EXOC6B: variants seen among roughly 807,000 people sequenced by gnomAD.
EXOC6B encodes SEC15 homolog B.
In EXOC6B, 54 loss-of-function variants were observed where a neutral mutation model predicts 113.5. That is an observed-to-expected ratio of 0.48 (90% confidence interval 0.38 to 0.60). The LOEUF is 0.60. Ranked by LOEUF, EXOC6B falls within the 20% of genes least tolerant of loss-of-function variation. EXOC6B has a pLI of 0.00. For missense variants in EXOC6B, 797 were observed against 977.5 expected, an observed-to-expected ratio of 0.82 and a Z score of 2.46; for synonymous variants, 357 against 339.0, an observed-to-expected ratio of 1.05 and a Z score of -0.58.
intron 6 of EXOC6B, among the ~76,000 whole-genome samples, chr2:72,644,765 C>T (rs1188755477): frequency 1.3e-5 from 2 of 152,144 alleles, no homozygotes. Flanking sequence ...ACCTGGCCTG[C>T]CTGATAAGAG....
chr2:72,513,018 T>C (rs1261681011), intron 11 of EXOC6B, 114 bp downstream of exon 11: 3 of 1,241,200 alleles, frequency 2.4e-6, no homozygotes, highest in Non-Finnish European at 2.2e-6. Context: ...AGGACATCTA[T>C]AGCTCCAAGT....
chr2:72,417,675 A>G (rs1010626848), intron 18 of EXOC6B, among the ~76,000 whole-genome samples: 1 of 152,172 alleles, frequency 6.6e-6, no homozygotes, highest in East Asian at 1.9e-4. Flanking sequence ...AGACAAATAG[A>G]TTTTGTAACA....
chr2:72,369,982 G>T (rs935683217), intron 19 of EXOC6B, among the ~76,000 whole-genome samples: 1 of 152,060 alleles, frequency 6.6e-6, no homozygotes, highest in Non-Finnish European at 1.5e-5. Context: ...CACCAAAAGC[G>T]ATGGCAACAA....
intron 18 of EXOC6B, among the ~76,000 whole-genome samples, chr2:72,399,131 C>G (rs915875733): frequency 1.3e-5 from 2 of 152,142 alleles, no homozygotes; most frequent in African/African-American, 2.4e-5. Context: ...GTGTTTTATT[C>G]CAAAGATGCA....
intron 5 of EXOC6B, among the ~76,000 whole-genome samples, chr2:72,726,985 G>A (rs569836168): frequency 2.5e-4 from 38 of 152,204 alleles, no homozygotes; most frequent in Admixed American, 9.8e-4. Context: ...GAAAGTTTTC[G>A]GAGGATGTGT....
chr2:72,799,901 C>CA (rs1387470872), intron 1 of EXOC6B, among the ~76,000 whole-genome samples: 4 of 151,734 alleles, frequency 2.6e-5, no homozygotes, highest in Admixed American at 6.6e-5. Context: ...CCCATCTCTA[C>CA]AAAAAATACA....
chr2:72,464,928 A>C (rs1261127481), intron 18 of EXOC6B: 1 of 555,670 alleles, frequency 1.8e-6, no homozygotes, highest in Admixed American at 3.5e-5. Flanking sequence ...TCATAGGAAG[A>C]TAAGCAGACA....
chr2:72,737,363 AAAG>A (rs1210611261), intron 2 of EXOC6B, among the ~76,000 whole-genome samples: 1 of 152,204 alleles, frequency 6.6e-6, no homozygotes, highest in African/African-American at 2.4e-5. Context: ...TAAAAAAAAA[AAAG>A]TTCTTTAATA....
At chr2:72,365,218 T>A (rs1022110045) in intron 19 of EXOC6B, among the ~76,000 whole-genome samples, 3 of 152,090 alleles carry the variant, frequency 2.0e-5, no homozygotes, top group Non-Finnish European at 4.4e-5. Context: ...CCCACCATTT[T>A]CCACAATGAA....
intron 5 of EXOC6B, among the ~76,000 whole-genome samples, chr2:72,719,312 C>T (rs1679844441): frequency 1.3e-5 from 2 of 152,326 alleles, no homozygotes; most frequent in African/African-American, 4.8e-5. Flanking sequence ...AAGTCTCCAG[C>T]TCTACTGGTC....
At chr2:72,728,091 G>C (rs1383129982) in intron 5 of EXOC6B, among the ~76,000 whole-genome samples, 1 of 152,086 alleles carries the variant, frequency 6.6e-6, no homozygotes, top group East Asian at 1.9e-4. Flanking sequence ...ATGTTACCAA[G>C]AGGTAGAATA....
intron 20 of EXOC6B, among the ~76,000 whole-genome samples, chr2:72,195,219 C>T (rs1323671584): frequency 6.6e-6 from 1 of 152,036 alleles, no homozygotes; most frequent in African/African-American, 2.4e-5. Context: ...AGGAAGACTC[C>T]CAAATAAAAA....
At chr2:72,368,107 C>G (rs1690753981) in intron 19 of EXOC6B, among the ~76,000 whole-genome samples, 1 of 152,128 alleles carries the variant, frequency 6.6e-6, no homozygotes. Flanking sequence ...CTGCCAATCC[C>G]AGGCAGTGCA....
At position 72,514,426 on chromosome 2, in the gene EXOC6B, C is replaced by T. The variant is rs73943192; in HGVS notation, c.1046+208G>A. On this transcript the variant is annotated intron_variant, in intron 10 of 21. Transcript: ENST00000272427. ...GCCCTCCAGCAATATAAAGTTGAAA[C>T]CAGCAGGGTGTTCCTTTTAAATCAT... Among the ~76,000 whole-genome samples the T allele has an allele frequency of 6.8e-3, 1,027 of 151,618 alleles. 7 individuals carry two copies. The highest frequency in any genetic ancestry group is 0.022 in the African/African-American group (919 of 41,358).
At chr2:72,334,900 T>C (rs1191246505) in intron 20 of EXOC6B, 47 bp downstream of exon 20, 1 of 1,568,278 alleles carries the variant, frequency 6.4e-7, no homozygotes, top group African/African-American at 1.4e-5. Flanking sequence ...TGGTCTTCAG[T>C]CACACATCTT....
intron 5 of EXOC6B, among the ~76,000 whole-genome samples, chr2:72,718,686 C>T (rs943945751): frequency 3.9e-5 from 6 of 152,060 alleles, no homozygotes; most frequent in Non-Finnish European, 7.4e-5. Flanking sequence ...AGTAAAACCC[C>T]ATCTCTACTA....
At chr2:72,381,965 A>G (rs1691701673) in intron 18 of EXOC6B, among the ~76,000 whole-genome samples, 1 of 152,132 alleles carries the variant, frequency 6.6e-6, no homozygotes, top group African/African-American at 2.4e-5. Flanking sequence ...ATGATGACCT[A>G]TTTCAGTATA....
intron 18 of EXOC6B, among the ~76,000 whole-genome samples, chr2:72,434,706 G>C (rs942104880): frequency 1.3e-5 from 2 of 152,154 alleles, no homozygotes; most frequent in Non-Finnish European, 2.9e-5. Flanking sequence ...GGTGTTTATA[G>C]TATTCCCTGA....
chr2:72,265,774 T>C (rs1015694771), intron 20 of EXOC6B, among the ~76,000 whole-genome samples: 3 of 152,172 alleles, frequency 2.0e-5, no homozygotes, highest in Admixed American at 6.5e-5. Flanking sequence ...TACCCAGTAA[T>C]GGGATGGCTG....
Sources: allele counts gnomAD v4.1 joint callset (sites outside exome capture counted in the v4.1 genomes callset), GRCh38; gene constraint gnomAD v4.1.1; transcripts MANE v1.5; gene names NCBI Gene and HGNC (gene_info 2026-07-23, HGNC 2026-07-21).